Variants in GABBR2 observed in about 807,000 individuals in gnomAD.
GABBR2 encodes the protein G-protein coupled receptor 51.
GABBR2 carries 23 observed loss-of-function variants against 105.6 expected under a neutral mutation model. The ratio of observed to expected loss-of-function variants is 0.22; its 90% CI spans 0.16 to 0.31. GABBR2 has a LOEUF of 0.31. GABBR2 is among the 10% of genes least tolerant of loss of function. GABBR2 has a pLI of 1.00. For synonymous variants in GABBR2, 478 were observed against 499.7 expected (o/e 0.96, Z 0.58); for missense variants, 734 against 1,245.5 (o/e 0.59, Z 6.18).
chr9:98,486,501 A>G (rs1827052793), intron 4 of GABBR2, among the ~76,000 whole-genome samples: 1 of 152,156 alleles, frequency 6.6e-6, no homozygotes, highest in South Asian at 2.1e-4. Context: ...TCTTGCAAGG[A>G]AGGTCAAGCT....
intron 7 of GABBR2, among the ~76,000 whole-genome samples, chr9:98,411,625 C>T (rs1049785230): frequency 6.6e-6 from 1 of 151,938 alleles, no homozygotes; most frequent in African/African-American, 2.4e-5. Flanking sequence ...GTAGTGGTAC[C>T]ATCATAGCTC....
rs561821879 is a variant in GABBR2, at chr9:98,388,281, G to A, written c.1529+573C>T. 7.9e-5 allele frequency among the ~76,000 whole-genome samples: 12 copies of A among 152,250 alleles called. No individual in the cohort carries two copies. The East Asian group carries it at 1.5e-3, about 20-fold the overall frequency. The stretch of plus-strand genomic sequence containing the variant: ...CACGAGTGGACAGCAGCACTCTGTC[G>A]CTGAACTTCAGGGCTTTTCTCTGTG... On this transcript the variant is annotated intron_variant, in intron 10 of 18. Coordinates refer to ENST00000259455, the MANE Select transcript of GABBR2 (RefSeq NM_005458.8). The surrounding 1 kb of genome is among the most constrained non-coding windows in gnomAD (Gnocchi z 4.4).
chr9:98,707,944 A>G (rs915569557), intron 1 of GABBR2, among the ~76,000 whole-genome samples: 2 of 152,182 alleles, frequency 1.3e-5, no homozygotes, highest in African/African-American at 4.8e-5. Context: ...CCGGACCTCA[A>G]AGCGCGGCTC....
intron 13 of GABBR2, among the ~76,000 whole-genome samples, chr9:98,358,783 TGCCCTGAGAGGGACTGTGTGTA>T (rs1040394978): frequency 2.5e-4 from 38 of 152,290 alleles, no homozygotes; most frequent in Admixed American, 2.3e-3. Context: ...ACAGTCAGCC[TGCCCTGAGAGGGACTGTGTGTA>T]GCCCCTGAGA....
chr9:98,403,867 C>A (rs934073599), intron 8 of GABBR2, among the ~76,000 whole-genome samples: 1 of 151,492 alleles, frequency 6.6e-6, no homozygotes, highest in African/African-American at 2.4e-5. Context: ...GATTATACTC[C>A]TATTTTACAG....
At chr9:98,664,388 C>A (rs1468325069) in intron 1 of GABBR2, among the ~76,000 whole-genome samples, 1 of 152,194 alleles carries the variant, frequency 6.6e-6, no homozygotes, top group South Asian at 2.1e-4. Flanking sequence ...CCAAGTAGCA[C>A]CTCAATTACA....
At chr9:98,300,029 ATT>A (rs530073574) in intron 16 of GABBR2, among the ~76,000 whole-genome samples, 1 of 141,136 alleles carries the variant, frequency 7.1e-6, no homozygotes, top group African/African-American at 2.7e-5. Context: ...TGTCTGGCTA[ATT>A]TTTTTTTTTT....
chr9:98,400,722 T>C (rs1462536443), intron 8 of GABBR2, among the ~76,000 whole-genome samples: 1 of 152,044 alleles, frequency 6.6e-6, no homozygotes, highest in East Asian at 1.9e-4. Flanking sequence ...CCCAGGACCA[T>C]GGAGATGTCT....
At chr9:98,451,617 C>A (rs7035430) in intron 7 of GABBR2, among the ~76,000 whole-genome samples, 28 of 152,286 alleles carry the variant, frequency 1.8e-4, no homozygotes, top group African/African-American at 5.1e-4. Context: ...GGCCCCACCC[C>A]GAGAGGTTCT....
chr9:98,381,801 A>G (rs1831981539), intron 11 of GABBR2, among the ~76,000 whole-genome samples: 1 of 152,158 alleles, frequency 6.6e-6, no homozygotes, highest in African/African-American at 2.4e-5. Flanking sequence ...TTTATGATTT[A>G]TTCATATCAG....
At chr9:98,386,375 T>C (rs775114139) in intron 10 of GABBR2, among the ~76,000 whole-genome samples, 10 of 152,152 alleles carry the variant, frequency 6.6e-5, no homozygotes. Context: ...GTCTCAGGGT[T>C]GCTTAGGAAA....
At chr9:98,681,261 C>T (rs200592169) in intron 1 of GABBR2, among the ~76,000 whole-genome samples, 2,682 of 126,120 alleles carry the variant, frequency 0.021, 43 homozygotes, top group Non-Finnish European at 0.029. Flanking sequence ...ACTATGCAGC[C>T]ATAAAAAATG....
chr9:98,323,936 C>T (rs1830871000), intron 13 of GABBR2, among the ~76,000 whole-genome samples: 1 of 152,198 alleles, frequency 6.6e-6, no homozygotes, highest in African/African-American at 2.4e-5. Flanking sequence ...TACTCTACTA[C>T]AGCTGAGTGT....
intron 13 of GABBR2, among the ~76,000 whole-genome samples, chr9:98,331,651 A>G (rs1831028263): frequency 6.6e-6 from 1 of 151,988 alleles, no homozygotes; most frequent in South Asian, 2.1e-4. Context: ...TGAATGAATG[A>G]CACGTGTCTC....
intron 3 of GABBR2, among the ~76,000 whole-genome samples, chr9:98,507,606 G>A (rs1025303712): frequency 1.3e-5 from 2 of 152,174 alleles, no homozygotes; most frequent in African/African-American, 4.8e-5. Flanking sequence ...ATGATTTGTT[G>A]CAGCAGAACA....
intron 7 of GABBR2, among the ~76,000 whole-genome samples, chr9:98,442,826 C>A (rs1463298071): frequency 6.6e-6 from 1 of 152,194 alleles, no homozygotes; most frequent in Non-Finnish European, 1.5e-5. Flanking sequence ...GAAACCTCAT[C>A]CGTATCTCTG....
chr9:98,641,888 G>A (rs1413849510), intron 1 of GABBR2, among the ~76,000 whole-genome samples: 2 of 152,186 alleles, frequency 1.3e-5, no homozygotes, highest in Non-Finnish European at 2.9e-5. Context: ...CCTGAGCCTG[G>A]CTCCATGTTA....
chr9:98,318,730 C>T (rs1319591586), intron 13 of GABBR2, among the ~76,000 whole-genome samples: 1 of 152,230 alleles, frequency 6.6e-6, no homozygotes, highest in Non-Finnish European at 1.5e-5. Flanking sequence ...GTGCTTTCCA[C>T]CTTCTGACCA....
chr9:98,608,703 C>T (rs1366368342), intron 1 of GABBR2, among the ~76,000 whole-genome samples: 1 of 152,142 alleles, frequency 6.6e-6, no homozygotes, highest in Non-Finnish European at 1.5e-5. Context: ...ATAACAACTT[C>T]TTTTTGTTTG....
Sources: gnomAD v4.1 joint callset for allele counts (sites outside exome capture counted in the v4.1 genomes callset) on GRCh38, gnomAD v4.1.1 for gene constraint, Gnocchi (gnomAD v3.1) non-coding constraint, MANE v1.5 for transcripts, NCBI Gene and HGNC (gene_info 2026-07-23, HGNC 2026-07-21) for gene names.